The following N4BP1 variants were observed in gnomAD, a reference collection of about 807,000 sequenced individuals.
N4BP1 encodes NEDD4-binding protein 1.
A neutral mutation model predicts 70.9 loss-of-function variants in N4BP1; 21 were observed. The ratio of observed to expected loss-of-function variants is 0.30; its 90% CI spans 0.21 to 0.43. The LOEUF is 0.43. Among genes scored for constraint, N4BP1 ranks in the 20% least tolerant of loss-of-function variants. The pLI is 1.00. For synonymous variants in N4BP1, 387 were observed against 394.6 expected (o/e 0.98, Z 0.23); for missense variants, 936 against 1,069.4 (o/e 0.88, Z 1.74).
chr16:48,567,507 C>T (rs1421869964), intron 1 of N4BP1, among the ~76,000 whole-genome samples: 8 of 152,036 alleles, frequency 5.3e-5, no homozygotes, highest in South Asian at 2.1e-4. Flanking sequence ...TTAGTAGAAA[C>T]GGGGTTTTGC....
At chr16:48,602,796 A>AAT (rs1423377613) in intron 1 of N4BP1, among the ~76,000 whole-genome samples, 1 of 146,680 alleles carries the variant, frequency 6.8e-6, no homozygotes, top group Non-Finnish European at 1.5e-5. Context: ...ATAAAAAATA[A>AAT]AAATAAATAA....
At chr16:48,570,976 G>A (rs566911064) in intron 1 of N4BP1, among the ~76,000 whole-genome samples, 1 of 152,192 alleles carries the variant, frequency 6.6e-6, no homozygotes, top group Admixed American at 6.5e-5. Flanking sequence ...ATTTTTAGTA[G>A]AGACAGCGTT....
chr16:48,568,636 A>C (rs1421634364), intron 1 of N4BP1, among the ~76,000 whole-genome samples: 1 of 152,362 alleles, frequency 6.6e-6, no homozygotes, highest in Admixed American at 6.5e-5. Flanking sequence ...TTCTGGGTTA[A>C]CATTTTTTTC....
Position 48,561,437 on chromosome 16 carries a change from C to T in N4BP1, c.1206G>A (p.Val402=), listed in dbSNP as rs778968084. 2 of 1,613,452 alleles carry T rather than the reference C, an allele frequency of 1.2e-6. No homozygotes were observed. The highest frequency in any genetic ancestry group is 2.2e-5 in the East Asian group (1 of 44,862). The part of the protein sequence containing the change: ...QEDREFSAGT[V]YPETNKTKNK... ...TTTTGGTTTTGTTGGTCTCTGGATA[C>T]ACTGTACCAGCTGAAAATTCTCTGT... The change falls in exon 2 of 7, where the codon GTG becomes GTA. Residue 402 remains valine, a synonymous_variant. Coordinates refer to ENST00000262384, the MANE Select transcript of N4BP1 (RefSeq NM_153029.4).
chr16:48,551,879 G>A (rs1963670886), intron 3 of N4BP1, among the ~76,000 whole-genome samples: 1 of 152,108 alleles, frequency 6.6e-6, no homozygotes, highest in Admixed American at 6.5e-5. Flanking sequence ...TTAGCCAGGT[G>A]TGGTGGCGCG....
intron 1 of N4BP1, chr16:48,600,201 T>C: frequency 1.4e-6 from 1 of 696,542 alleles, no homozygotes; most frequent in Non-Finnish European, 2.6e-6. Flanking sequence ...TGGGCCCATC[T>C]ACCCTGGCCA....
At chr16:48,558,479 A>T (rs777505936) in intron 2 of N4BP1, among the ~76,000 whole-genome samples, 41 of 152,310 alleles carry the variant, frequency 2.7e-4, no homozygotes, top group Admixed American at 6.5e-4. Context: ...CTAGATTTGC[A>T]AAACATCCTG....
At chr16:48,549,402 T>C (rs554387574) in intron 4 of N4BP1, among the ~76,000 whole-genome samples, 3 of 152,288 alleles carry the variant, frequency 2.0e-5, no homozygotes, top group African/African-American at 7.2e-5. Flanking sequence ...TGAGAACATA[T>C]ATGCATGTTC....
intron 2 of N4BP1, among the ~76,000 whole-genome samples, chr16:48,557,383 G>A (rs548858260): frequency 2.6e-5 from 4 of 152,270 alleles, no homozygotes; most frequent in Middle Eastern, 3.4e-3. Context: ...CAGCTCTGGG[G>A]AAAGACATTA....
intron 2 of N4BP1, among the ~76,000 whole-genome samples, chr16:48,554,494 T>A (rs905434611): frequency 1.3e-5 from 2 of 152,212 alleles, no homozygotes; most frequent in African/African-American, 4.8e-5. Flanking sequence ...CAGCAGTTAA[T>A]TAAACGTGGA....
At chr16:48,575,207 G>C (rs550015610) in intron 1 of N4BP1, among the ~76,000 whole-genome samples, 1 of 152,280 alleles carries the variant, frequency 6.6e-6, no homozygotes, top group African/African-American at 2.4e-5. Flanking sequence ...AGTTTGAGAT[G>C]TTTGGCCACT....
intron 1 of N4BP1, among the ~76,000 whole-genome samples, chr16:48,575,562 G>C (rs1964080276): frequency 6.6e-6 from 1 of 152,106 alleles, no homozygotes; most frequent in Non-Finnish European, 1.5e-5. Context: ...GACCAAAGCA[G>C]GGGCTCAAGA....
intron 1 of N4BP1, chr16:48,600,167 G>A (rs1964474534): frequency 1.7e-6 from 1 of 591,800 alleles, no homozygotes; most frequent in South Asian, 1.7e-5. Context: ...TTTAACATGT[G>A]TACTGTGAAG....
chr16:48,579,687 A>C (rs1190191354), intron 1 of N4BP1, among the ~76,000 whole-genome samples: 2 of 152,166 alleles, frequency 1.3e-5, no homozygotes, highest in African/African-American at 2.4e-5. Context: ...GACAAAAAAA[A>C]AAAAAGATCC....
At chr16:48,551,351 A>G in intron 4 of N4BP1, 35 bp downstream of exon 4, 1 of 1,572,910 alleles carries the variant, frequency 6.4e-7, no homozygotes, top group Non-Finnish European at 8.7e-7. Context: ...TCACCACCCC[A>G]CTCCAACCTT....
At chr16:48,585,256 T>C (rs1964227744) in intron 1 of N4BP1, among the ~76,000 whole-genome samples, 1 of 152,130 alleles carries the variant, frequency 6.6e-6, no homozygotes, top group Non-Finnish European at 1.5e-5. Context: ...TTTAAATGTT[T>C]TTCTCACAGA....
chr16:48,589,159 T>C (rs1356290581), intron 1 of N4BP1, among the ~76,000 whole-genome samples: 9 of 152,214 alleles, frequency 5.9e-5, no homozygotes, highest in Non-Finnish European at 8.8e-5. Context: ...TGTAATACTG[T>C]GAAATATGTA....
At chr16:48,589,437 G>C (rs912530453) in intron 1 of N4BP1, among the ~76,000 whole-genome samples, 1 of 152,152 alleles carries the variant, frequency 6.6e-6, no homozygotes, top group Non-Finnish European at 1.5e-5. Flanking sequence ...CAAATGGACT[G>C]GCTTTGGAGA....
chr16:48,608,215 G>C (rs1964614146), intron 1 of N4BP1, among the ~76,000 whole-genome samples: 1 of 152,136 alleles, frequency 6.6e-6, no homozygotes. Context: ...GTGTGACACA[G>C]GACAGTCTCA....
Sources: gnomAD v4.1 joint callset for allele counts (sites outside exome capture counted in the v4.1 genomes callset) on GRCh38, gnomAD v4.1.1 for gene constraint, MANE v1.5 for transcripts, NCBI Gene and HGNC (gene_info 2026-07-23, HGNC 2026-07-21) for gene names.